PDGFC: variants seen among roughly 807,000 people sequenced by gnomAD.
PDGFC encodes the protein platelet derived growth factor C, also known as platelet-derived growth factor C.
A neutral mutation model predicts 35.5 loss-of-function variants in PDGFC; 12 were observed. The ratio of observed to expected loss-of-function variants is 0.34; its 90% confidence interval spans 0.22 to 0.55. The LOEUF is 0.55. Among genes scored for constraint, PDGFC ranks in the 20% least tolerant of loss-of-function variants. The probability of loss-of-function intolerance (pLI) is 0.91; values close to 1 mark genes in which losing one functional copy is unlikely to be tolerated. For synonymous variants in PDGFC, 159 were observed against 148.8 expected, an observed-to-expected ratio of 1.07 and a Z score of -0.50; for missense variants, 322 against 412.4, an observed-to-expected ratio of 0.78 and a Z score of 1.90.
chr4:156,914,620 T>C (rs1237161987), intron 1 of PDGFC, among the ~76,000 whole-genome samples: 1 of 152,198 alleles, frequency 6.6e-6, no homozygotes, highest in African/African-American at 2.4e-5. Context: ...CTCTAATCTT[T>C]ACCAGTTGAT....
At chr4:156,932,107 A>G (rs1033358337) in intron 1 of PDGFC, among the ~76,000 whole-genome samples, 1 of 152,192 alleles carries the variant, frequency 6.6e-6, no homozygotes, top group African/African-American at 2.4e-5. Flanking sequence ...AGAACATTTA[A>G]TGTGCTCTGT....
intron 1 of PDGFC, among the ~76,000 whole-genome samples, chr4:156,937,938 A>T (rs1462624714): frequency 6.6e-6 from 1 of 152,152 alleles, no homozygotes; most frequent in African/African-American, 2.4e-5. Flanking sequence ...ACCAGGGACT[A>T]AAAATTCTTC....
chr4:156,947,655 A>C lies in PDGFC; in HGVS notation c.118+23131T>G, dbSNP rs141284396. Among the ~76,000 whole-genome samples the C allele has an allele frequency of 6.1e-3, 932 of 152,176 alleles. 12 individuals are homozygous for C. Among genetic ancestry groups the C allele is most frequent in the African/African-American group, 0.018 (766 of 41,562 alleles). ...GAGGTATAACAGCAAAAAGAGGTCT[A>C]AGAAACGAGATTGTCACTATCAGCC... On this transcript the variant is annotated intron_variant, in intron 1 of 5. Coordinates refer to ENST00000502773, the MANE Select transcript of PDGFC (RefSeq NM_016205.3).
intron 3 of PDGFC, among the ~76,000 whole-genome samples, chr4:156,796,484 A>G (rs1731443867): frequency 2.2e-5 from 3 of 138,562 alleles, no homozygotes; most frequent in African/African-American, 8.1e-5. Flanking sequence ...ATACAGGACC[A>G]CTTTGTATTT....
chr4:156,949,863 G>A (rs1732038912), intron 1 of PDGFC, among the ~76,000 whole-genome samples: 1 of 151,902 alleles, frequency 6.6e-6, no homozygotes, highest in African/African-American at 2.4e-5. Context: ...CCTGGCAGAA[G>A]CTGTTAAGAA....
intron 1 of PDGFC, among the ~76,000 whole-genome samples, chr4:156,937,596 G>A (rs1370848170): frequency 6.6e-6 from 1 of 152,144 alleles, no homozygotes; most frequent in African/African-American, 2.4e-5. Context: ...CTACTCAGGA[G>A]GCTTGAGGTG....
intron 3 of PDGFC, among the ~76,000 whole-genome samples, chr4:156,799,664 T>G (rs1466566110): frequency 2.0e-5 from 3 of 152,170 alleles, no homozygotes; most frequent in Admixed American, 1.3e-4. Context: ...TCTGAAAAAT[T>G]TGGCACTGAC....
intron 2 of PDGFC, among the ~76,000 whole-genome samples, chr4:156,834,213 T>C (rs1377054094): frequency 6.6e-6 from 1 of 152,292 alleles, no homozygotes; most frequent in East Asian, 1.9e-4. Context: ...ATCTGAATCT[T>C]GCTAAGTTTT....
At chr4:156,871,063 G>A (rs1188972071) in intron 1 of PDGFC, among the ~76,000 whole-genome samples, 1 of 152,028 alleles carries the variant, frequency 6.6e-6, no homozygotes, top group African/African-American at 2.4e-5. Flanking sequence ...AGAGTCTGGT[G>A]CAGGAAAAAC....
At chr4:156,783,199 G>C (rs1731029920) in intron 3 of PDGFC, among the ~76,000 whole-genome samples, 1 of 152,168 alleles carries the variant, frequency 6.6e-6, no homozygotes, top group African/African-American at 2.4e-5. Flanking sequence ...ATTGCTATTA[G>C]GGGGAGAGTA....
chr4:156,799,830 A>G (rs1731550532), intron 3 of PDGFC, among the ~76,000 whole-genome samples: 1 of 152,168 alleles, frequency 6.6e-6, no homozygotes, highest in South Asian at 2.1e-4. Flanking sequence ...TTTGAATTTT[A>G]TAGATTACCG....
intron 1 of PDGFC, among the ~76,000 whole-genome samples, chr4:156,933,776 C>G (rs1394485471): frequency 6.6e-6 from 1 of 152,064 alleles, no homozygotes; most frequent in Non-Finnish European, 1.5e-5. Flanking sequence ...TGAGTTCTCC[C>G]AAGACCTGAT....
At chr4:156,791,464 T>A (rs1011699765) in intron 3 of PDGFC, among the ~76,000 whole-genome samples, 2 of 152,068 alleles carry the variant, frequency 1.3e-5, no homozygotes, top group Non-Finnish European at 2.9e-5. Context: ...ATAAATTTTC[T>A]TTTAATCAAG....
intron 1 of PDGFC, among the ~76,000 whole-genome samples, chr4:156,924,984 A>G (rs1170905864): frequency 7.7e-6 from 1 of 130,116 alleles, no homozygotes; most frequent in Non-Finnish European, 1.6e-5. Flanking sequence ...AGGGCAGCAC[A>G]TAGGGCTGGG....
chr4:156,799,641 A>G (rs1731542761), intron 3 of PDGFC, among the ~76,000 whole-genome samples: 2 of 152,208 alleles, frequency 1.3e-5, no homozygotes, highest in South Asian at 4.1e-4. Flanking sequence ...ACAAGGTTCT[A>G]TAAGAATACA....
chr4:156,947,412 G>C (rs78822217), intron 1 of PDGFC, among the ~76,000 whole-genome samples: 3,833 of 152,070 alleles, frequency 0.025, 69 homozygotes, highest in Middle Eastern at 0.044. Flanking sequence ...AGGGGTTCTA[G>C]ACTCTGCAGA....
intron 2 of PDGFC, among the ~76,000 whole-genome samples, chr4:156,825,596 G>GAAT (rs1429067312): frequency 1.4e-5 from 1 of 72,852 alleles, no homozygotes; most frequent in Non-Finnish European, 2.7e-5. Flanking sequence ...ATAATAATAA[G>GAAT]AAGAAGAAGA....
chr4:156,892,280 C>T (rs1730533004), intron 1 of PDGFC, among the ~76,000 whole-genome samples: 2 of 152,154 alleles, frequency 1.3e-5, no homozygotes, highest in Non-Finnish European at 2.9e-5. Context: ...GTAGGTTATA[C>T]ATTAATTAAA....
At chr4:156,954,284 G>A (rs547515368) in intron 1 of PDGFC, among the ~76,000 whole-genome samples, 1 of 152,062 alleles carries the variant, frequency 6.6e-6, no homozygotes, top group East Asian at 1.9e-4. Flanking sequence ...GATCAGAGCT[G>A]AGAAAATCAA....
Sources: allele counts gnomAD v4.1 joint callset (sites outside exome capture counted in the v4.1 genomes callset), GRCh38; gene constraint gnomAD v4.1.1; transcripts MANE v1.5; gene names NCBI Gene and HGNC (gene_info 2026-07-23, HGNC 2026-07-21).